The following CA10 variants were observed in gnomAD, a reference collection of about 807,000 sequenced individuals.
CA10 encodes carbonic anhydrase-related protein 10.
In CA10, 14 loss-of-function variants were observed where a neutral mutation model predicts 44.2. The observed-to-expected ratio is 0.32, with a 90% CI of 0.21 to 0.50. The LOEUF (loss-of-function observed/expected upper bound fraction) is 0.50. Ranked by LOEUF, CA10 falls within the 20% of genes least tolerant of loss-of-function variation. The probability of loss-of-function intolerance (pLI) is 0.99; values close to 1 mark genes in which losing one functional copy is unlikely to be tolerated. For missense variants in CA10, 350 were observed against 409.7 expected (o/e 0.85, Z 1.26); for synonymous variants, 159 against 141.6 (o/e 1.12, Z -0.87).
At chr17:52,007,179 A>G (rs997000753) in intron 2 of CA10, among the ~76,000 whole-genome samples, 3 of 151,672 alleles carry the variant, frequency 2.0e-5, no homozygotes, top group African/African-American at 7.2e-5. Context: ...TATCTATATA[A>G]TCATATCATA....
chr17:51,814,908 G>A (rs1417734003), intron 3 of CA10, among the ~76,000 whole-genome samples: 7 of 152,164 alleles, frequency 4.6e-5, no homozygotes, highest in Non-Finnish European at 1.0e-4. Context: ...CTGTGTAGCT[G>A]GCCCAGATTC....
rs572044193 is a variant in CA10 at position 51,752,309 on chromosome 17, G to A, written c.280-4491C>T. ...TTACTGTGTTTTCAATGAACTATTT[G>A]GGTGCGCAGCATGTTGGAAAAAGTT... On this transcript the variant is annotated intron_variant, in intron 3 of 8. Coordinates refer to ENST00000451037, the MANE Select transcript of CA10 (RefSeq NM_020178.5). 3.3e-5 allele frequency among the ~76,000 whole-genome samples: 5 copies of A among 151,270 alleles called. No homozygotes were observed. In the East Asian group the frequency reaches 9.7e-4, roughly 29 times the overall value.
chr17:51,972,443 G>T (rs1269904789), intron 2 of CA10, among the ~76,000 whole-genome samples: 1 of 150,198 alleles, frequency 6.7e-6, no homozygotes, highest in Non-Finnish European at 1.5e-5. Context: ...GAAAACAACA[G>T]TTGTGACCTT....
At chr17:51,633,717 C>T (rs1912699151) in intron 7 of CA10, 67 bp from the exon 8 acceptor site, 10 of 1,545,044 alleles carry the variant, frequency 6.5e-6, no homozygotes, top group Admixed American at 5.4e-5. Context: ...GAAATAAGAC[C>T]ACAGAGACTC....
chr17:51,710,698 A>G (rs1480993539), intron 4 of CA10, among the ~76,000 whole-genome samples: 1 of 152,094 alleles, frequency 6.6e-6, no homozygotes, highest in Non-Finnish European at 1.5e-5. Context: ...GCTTCCAGGA[A>G]GAGTGAAAAC....
chr17:51,815,376 C>T (rs537168418), intron 3 of CA10, among the ~76,000 whole-genome samples: 16 of 152,278 alleles, frequency 1.1e-4, no homozygotes, highest in Non-Finnish European at 1.8e-4. Flanking sequence ...AGCATTGTTC[C>T]GTTGCCTGAG....
rs546707398 is a variant in CA10 at position 52,010,788 on chromosome 17, GA to G, written c.136+61530del. 2.5e-3 allele frequency among the ~76,000 whole-genome samples: 352 copies of G among 142,392 alleles called. 2 individuals carry two copies. Among genetic ancestry groups the G allele is most frequent in the African/African-American group, 8.1e-3 (332 of 40,964 alleles). 93.4% of individuals were successfully genotyped at this position (142,392 alleles called of 152,430 possible). On this transcript the variant is annotated intron_variant, in intron 2 of 8. Coordinates refer to ENST00000451037, the MANE Select transcript of CA10 (RefSeq NM_020178.5). The stretch of plus-strand genomic sequence containing the variant: ...GAACTTATTAATATTATTTATATTA[GA>G]AAAATGCATGTTAGTGCTGTTTCAG...
chr17:51,680,428 A>G (rs1370394045), intron 4 of CA10, among the ~76,000 whole-genome samples: 1 of 152,216 alleles, frequency 6.6e-6, no homozygotes, highest in African/African-American at 2.4e-5. Flanking sequence ...CAGCTCTGGA[A>G]GATTAAACCA....
At chr17:51,798,223 T>G (rs1906791145) in intron 3 of CA10, among the ~76,000 whole-genome samples, 1 of 152,230 alleles carries the variant, frequency 6.6e-6, no homozygotes, top group African/African-American at 2.4e-5. Flanking sequence ...AAATATGTAA[T>G]CCTCCTTCCT....
chr17:51,838,108 C>T (rs1188869295), intron 3 of CA10, among the ~76,000 whole-genome samples: 1 of 152,184 alleles, frequency 6.6e-6, no homozygotes, highest in Non-Finnish European at 1.5e-5. Context: ...TTACATTCTT[C>T]CACTAATTCA....
rs781700197 is a variant in CA10 at position 51,747,644 on chromosome 17, A to T, written c.454T>A (p.Phe152Ile). 1 of 1,611,680 alleles carries T rather than the reference A, an allele frequency of 6.2e-7. No homozygotes were observed. Among genetic ancestry groups the T allele is most frequent in the Non-Finnish European group, 8.5e-7 (1 of 1,179,068 alleles). The change falls in exon 4 of 9, where the codon TTC (phenylalanine) becomes ATC (isoleucine). Residue 152 changes from phenylalanine to isoleucine, a missense_variant. Phe to Ile is a conservative substitution (Grantham distance 21). Coordinates refer to ENST00000451037, the MANE Select transcript of CA10 (RefSeq NM_020178.5). ...ACAGACTAACATACCTCCCCAGAGA[A>T]GGCCTGTCCATTGAGGAGGTGCTCC... ...GSEHLLNGQAFSGEVQLIHYN... is the reference protein window; with the variant it reads ...GSEHLLNGQAISGEVQLIHYN...
rs1655859050 is a variant in CA10 at position 51,717,740 on chromosome 17, T to TAC, written c.465+29892_465+29893insGT. Among the ~76,000 whole-genome samples the TAC allele has an allele frequency of 2.3e-4, 12 of 52,412 alleles. 4 individuals carry two copies. Among genetic ancestry groups the TAC allele is most frequent in the East Asian group, 9.1e-4 (1 of 1,094 alleles). 34.4% of individuals were successfully genotyped at this position (52,412 alleles called of 152,430 possible). On this transcript the variant is annotated intron_variant, in intron 4 of 8. Coordinates refer to ENST00000451037, the MANE Select transcript of CA10 (RefSeq NM_020178.5). ...ATACGTATATATACATATATACGTATATATACATGTATATATACGTATATA... is the reference window on the plus strand; with the variant it reads ...ATACGTATATATACATATATACGTATACATATACATGTATATATACGTATATA...
intron 3 of CA10, among the ~76,000 whole-genome samples, chr17:51,790,648 T>C: frequency 6.6e-6 from 1 of 152,156 alleles, no homozygotes; most frequent in Non-Finnish European, 1.5e-5. Context: ...GGAAAAACAA[T>C]GGAATAAAAA....
intron 3 of CA10, among the ~76,000 whole-genome samples, chr17:51,925,511 T>C (rs1982394841): frequency 6.6e-6 from 1 of 151,598 alleles, no homozygotes. Context: ...TAAAATAGTA[T>C]AGCCACTGTG....
At chr17:51,633,753 T>G (rs1597951400) in intron 7 of CA10, 103 bp from the exon 8 acceptor site, 1 of 1,305,140 alleles carries the variant, frequency 7.7e-7, no homozygotes. Flanking sequence ...GTATTGGCTG[T>G]ATGAGGAAAG....
intron 3 of CA10, among the ~76,000 whole-genome samples, chr17:51,812,389 C>A (rs1907404809): frequency 6.6e-6 from 1 of 152,146 alleles, no homozygotes; most frequent in African/African-American, 2.4e-5. Context: ...TGTTTCCAAT[C>A]CCATGTTTAG....
intron 2 of CA10, among the ~76,000 whole-genome samples, chr17:51,962,731 A>T (rs1450634617): frequency 6.6e-6 from 1 of 152,068 alleles, no homozygotes; most frequent in Non-Finnish European, 1.5e-5. Flanking sequence ...GAAAGAAAAA[A>T]CCCGCTAATG....
chr17:51,720,064 T>C (rs1916304199), intron 4 of CA10, among the ~76,000 whole-genome samples: 1 of 152,170 alleles, frequency 6.6e-6, no homozygotes, highest in South Asian at 2.1e-4. Flanking sequence ...ATAATAATTG[T>C]GGTATAATAA....
At chr17:51,678,835 CTCTT>C (rs1372419309) in intron 4 of CA10, among the ~76,000 whole-genome samples, 3 of 152,196 alleles carry the variant, frequency 2.0e-5, no homozygotes, top group African/African-American at 7.2e-5. Context: ...TTCTGTCTCT[CTCTT>C]TATCTTAATT....
Sources: gnomAD v4.1 joint callset for allele counts (sites outside exome capture counted in the v4.1 genomes callset) on GRCh38, gnomAD v4.1.1 for gene constraint, MANE v1.5 for transcripts, NCBI Gene and HGNC (gene_info 2026-07-23, HGNC 2026-07-21) for gene names.